The following UBQLN2 variants were observed in gnomAD, a reference collection of about 807,000 sequenced individuals.
The protein encoded by UBQLN2 is ubiquilin-2.
A neutral mutation model predicts 22.2 loss-of-function variants in UBQLN2; 2 were observed. That is an observed-to-expected ratio of 0.09 (90% CI 0.04 to 0.28). UBQLN2 has a LOEUF of 0.28. UBQLN2 is among the 10% of genes least tolerant of loss of function. The probability of loss-of-function intolerance (pLI) is 1.00; values close to 1 mark genes in which losing one functional copy is unlikely to be tolerated. For missense variants in UBQLN2, 446 were observed against 505.1 expected, an observed-to-expected ratio of 0.88 and a Z score of 1.12; for synonymous variants, 252 against 206.7, an observed-to-expected ratio of 1.22 and a Z score of -1.88.
chrX:56,563,652 G>C lies in UBQLN2; in HGVS notation c.-222G>C, dbSNP rs1255611081. The C allele has an allele frequency of 2.9e-6, 1 of 341,860 alleles. No homozygotes were observed. Among genetic ancestry groups the C allele is most frequent in the African/African-American group, 2.7e-5 (1 of 37,048 alleles). The allele number at this position is 341,860 out of a possible 1,213,427, so 28.2% of individuals were successfully genotyped here. A position where few individuals can be genotyped will look rare whatever the true frequency, so the allele number is the denominator to read the frequency against. ...ACAAGGCGGCGGCGGAGGAGGCCCA[G>C]AGACCGGAGCGCGGAGACCTCAGCC... On this transcript the variant is annotated 5_prime_UTR_variant, in exon 1 of 1. Transcript: ENST00000338222.
rs891750087 is a variant in UBQLN2 at position 56,567,110 on chromosome X, C to G, written c.*1362C>G. 8.2e-6 allele frequency: 1 copy of G among 122,578 alleles called. No homozygotes were observed. Among genetic ancestry groups the G allele is most frequent in the Non-Finnish European group, 1.9e-5 (1 of 53,018 alleles). 10.1% of individuals were successfully genotyped at this position (122,578 alleles called of 1,213,427 possible). ...ATCTTGATGTATGGATTTAGGTATT[C>G]TAACTTTTTTGCCCCAAAGGGTTAG... On this transcript the variant is annotated 3_prime_UTR_variant, in exon 1 of 1. Transcript: ENST00000338222.
In UBQLN2 at chrX:56,563,796, C is replaced by T. The variant is rs778397928; in HGVS notation, c.-78C>T. The T allele has an allele frequency of 1.6e-5, 13 of 828,347 alleles. No homozygotes were observed. In the Admixed American group the frequency reaches 3.2e-4, roughly 20 times the overall value. 68.3% of individuals were successfully genotyped at this position (828,347 alleles called of 1,213,427 possible). A position where few individuals can be genotyped will look rare whatever the true frequency, so the allele number is the denominator to read the frequency against. ...GGCCCAGCCCGCTGCGGCGGTGCCT[C>T]CTTCCTTCCTCCTTCCCTCGCGCTC... On this transcript the variant is annotated 5_prime_UTR_variant, in exon 1 of 1. Transcript: ENST00000338222.
rs748198407 is a variant in UBQLN2, at chrX:56,565,755, T to G, written c.*7T>G. 8.4e-7 allele frequency: 1 copy of G among 1,194,928 alleles called. No individual in the cohort carries two copies. The highest frequency in any genetic ancestry group is 1.1e-6 in the Non-Finnish European group (1 of 884,048). ...GGGCTCCCAGCCATCGTAATCACAT[T>G]TCTGTACCTGGAAAAAAAATGTATC... is the stretch of plus-strand genomic sequence containing the variant. On this transcript the variant is annotated 3_prime_UTR_variant, in exon 1 of 1. Coordinates refer to ENST00000338222, the MANE Select transcript of UBQLN2 (RefSeq NM_013444.4).
rs748840115 is a variant in UBQLN2 at position 56,564,933 on chromosome X, G to C, written c.1060G>C (p.Val354Leu). 3 of 1,209,212 alleles carry C rather than the reference G, an allele frequency of 2.5e-6. No individual in the cohort carries two copies. The highest frequency in any genetic ancestry group is 1.8e-5 in the African/African-American group (1 of 57,015). Reference sequence around the variant, plus strand: ...TTCCAGCAATGCTACTGGGAACACCGTTGCTGCCGCTAATTATGTCGCCAG... The same window carrying C: ...TTCCAGCAATGCTACTGGGAACACCCTTGCTGCCGCTAATTATGTCGCCAG... ...NSSSNATGNT[V>L]AAANYVASIF... is the part of the protein sequence containing the mutation. The change falls in exon 1 of 1, where the codon GTT becomes CTT. Residue 354 changes from valine (V) to leucine (L), a missense_variant. This residue lies in a region of UBQLN2 where 278 missense variants were observed against 279.4 expected (regional missense o/e 1.00). Transcript: ENST00000338222.
chrX:56,565,580 A>G lies in UBQLN2; in HGVS notation c.1707A>G (p.Gly569=), dbSNP rs2068638287. The G allele has an allele frequency of 8.3e-7, 1 of 1,212,104 alleles. No individual in the cohort carries two copies. The highest frequency in any genetic ancestry group is 1.7e-5 in the African/African-American group (1 of 57,871). ...FIQQMVQALA[G]ANAPQLPNPE... ...AGCAAATGGTGCAGGCCCTGGCTGGAGCAAATGCTCCACAGCTGCCGAATC... is the reference window on the plus strand; with the variant it reads ...AGCAAATGGTGCAGGCCCTGGCTGGGGCAAATGCTCCACAGCTGCCGAATC... Residue 569 remains glycine (G), a synonymous_variant, in exon 1 of 1, where the codon GGA becomes GGG. Coordinates refer to ENST00000338222, the MANE Select transcript of UBQLN2 (RefSeq NM_013444.4).
chrX:56,564,832 G>T lies in UBQLN2; in HGVS notation c.959G>T (p.Trp320Leu). Residue 320 changes from tryptophan (W) to leucine (L), a missense_variant, in exon 1 of 1, where the codon TGG (tryptophan) becomes TTG (leucine). By Grantham distance (61) the Trp-to-Leu change is moderately conservative (BLOSUM62 -2). Coordinates refer to ENST00000338222, the MANE Select transcript of UBQLN2 (RefSeq NM_013444.4). ...TENRDPLPNP[W>L]APPPATQSSA... Reference sequence around the variant, plus strand: ...AATCGCGATCCACTACCCAATCCATGGGCACCACCGCCAGCTACCCAGAGT... The same window carrying T: ...AATCGCGATCCACTACCCAATCCATTGGCACCACCGCCAGCTACCCAGAGT... The T allele has an allele frequency of 8.3e-7, 1 of 1,211,133 alleles. No individual in the cohort carries two copies. Among genetic ancestry groups the T allele is most frequent in the Non-Finnish European group, 1.1e-6 (1 of 895,316 alleles).
chrX:56,563,709 A>T lies in UBQLN2; in HGVS notation c.-165A>T, dbSNP rs1239266283. On this transcript the variant is annotated 5_prime_UTR_variant, in exon 1 of 1. Coordinates refer to ENST00000338222, the MANE Select transcript of UBQLN2 (RefSeq NM_013444.4). ...CTACGCCCAGGCCTTTCTCCACCGG[A>T]GGACCAGGGAACCGCAGTCTTCATC... The T allele has an allele frequency of 5.0e-6, 2 of 399,874 alleles. No individual in the cohort carries two copies. Among genetic ancestry groups the T allele is most frequent in the Non-Finnish European group, 8.4e-6 (2 of 237,779 alleles). The allele number at this position is 399,874 out of a possible 1,213,427, so 33.0% of individuals were successfully genotyped here. A position where few individuals can be genotyped will look rare whatever the true frequency, so the allele number is the denominator to read the frequency against.
chrX:56,566,861 T>C lies in UBQLN2; in HGVS notation c.*1113T>C, dbSNP rs981413802. ...ACTGCTATGTATAAAGGAAAGTGTG[T>C]CTTTTGACTTCATCAGTTATTTCTC... On this transcript the variant is annotated 3_prime_UTR_variant, in exon 1 of 1. Coordinates refer to ENST00000338222, the MANE Select transcript of UBQLN2 (RefSeq NM_013444.4). 2 of 123,036 alleles carry C rather than the reference T, an allele frequency of 1.6e-5. No homozygotes were observed. Among genetic ancestry groups the C allele is most frequent in the African/African-American group, 6.5e-5 (2 of 30,793 alleles). 10.1% of individuals were successfully genotyped at this position (123,036 alleles called of 1,213,427 possible).
In UBQLN2 at chrX:56,565,985, T is replaced by G; in HGVS notation, c.*237T>G. The stretch of plus-strand genomic sequence containing the variant: ...TCCTCTTGTCTCCCCACTCCCTCCC[T>G]CTTTGTTTCCTTCCTTCCTTATTTC... On this transcript the variant is annotated 3_prime_UTR_variant, in exon 1 of 1. Coordinates refer to ENST00000338222, the MANE Select transcript of UBQLN2 (RefSeq NM_013444.4). 1 of 439,046 alleles carries G rather than the reference T, an allele frequency of 2.3e-6. No homozygotes were observed. The highest frequency in any genetic ancestry group is 3.9e-5 in the East Asian group (1 of 25,890). The allele number at this position is 439,046 out of a possible 1,213,427, so 36.2% of individuals were successfully genotyped here. A position where few individuals can be genotyped will look rare whatever the true frequency, so the allele number is the denominator to read the frequency against.
rs2068629124 is a variant in UBQLN2, at chrX:56,564,042, T to C, written c.169T>C (p.Phe57Leu). 1 of 1,194,136 alleles carries C rather than the reference T, an allele frequency of 8.4e-7. No homozygotes were observed. The highest frequency in any genetic ancestry group is 1.8e-5 in the South Asian group (1 of 54,742). ...GCCCGAGAACAGCTCGGTTCAGCAG[T>C]TTAAGGAAGCGATTTCGAAACGCTT... ...AVPENSSVQQ[F>L]KEAISKRFKS... Residue 57 changes from phenylalanine (F) to leucine (L), a missense_variant, in exon 1 of 1, where the codon TTT becomes CTT. Physicochemically the swap from Phe to Leu is conservative, Grantham distance 22 (BLOSUM62 0). Transcript: ENST00000338222.
chrX:56,564,509 G>A lies in UBQLN2; in HGVS notation c.636G>A (p.Gln212=), dbSNP rs894072583. 9 of 1,210,007 alleles carry A rather than the reference G, an allele frequency of 7.4e-6. No homozygotes were observed. The highest frequency in any genetic ancestry group is 2.2e-5 in the Admixed American group (1 of 45,834). Residue 212 remains glutamine (Q), a synonymous_variant, in exon 1 of 1, where the codon CAG becomes CAA. Transcript: ENST00000338222. The part of the protein sequence containing the change: ...RQLIMANPQM[Q]QLIQRNPEIS... ...TCATTATGGCTAATCCACAGATGCA[G>A]CAATTGATTCAGAGAAACCCAGAAA...
At position 56,563,805 on chromosome X, in the gene UBQLN2, C is replaced by T. The variant is rs1036305834; in HGVS notation, c.-69C>T. ...CGCTGCGGCGGTGCCTCCTTCCTTC[C>T]TCCTTCCCTCGCGCTCTCTCTTTCG... is the stretch of plus-strand genomic sequence containing the variant. On this transcript the variant is annotated 5_prime_UTR_variant, in exon 1 of 1. Transcript: ENST00000338222. 25 of 894,416 alleles carry T rather than the reference C, an allele frequency of 2.8e-5. No individual in the cohort carries two copies. The highest frequency in any genetic ancestry group is 3.7e-5 in the Non-Finnish European group (24 of 646,012). 73.7% of individuals were successfully genotyped at this position (894,416 alleles called of 1,213,427 possible). A position where few individuals can be genotyped will look rare whatever the true frequency, so the allele number is the denominator to read the frequency against.
chrX:56,563,630 A>G lies in UBQLN2; in HGVS notation c.-244A>G. The G allele has an allele frequency of 6.0e-6, 2 of 334,493 alleles. No individual in the cohort carries two copies. Among genetic ancestry groups the G allele is most frequent in the Non-Finnish European group, 1.0e-5 (2 of 194,939 alleles). The allele number at this position is 334,493 out of a possible 1,213,427, so 27.6% of individuals were successfully genotyped here. ...TGGGAGTGCGCGCGGTCGGATCACA[A>G]GGCGGCGGCGGAGGAGGCCCAGAGA... On this transcript the variant is annotated 5_prime_UTR_variant, in exon 1 of 1. Transcript: ENST00000338222.
At position 56,565,716 on chromosome X, in the gene UBQLN2, A is replaced by G; in HGVS notation, c.1843A>G (p.Ile615Val). ...AACAGGAGGCGACATCAATGCAGCC[A>G]TTGAAAGGCTGCTGGGCTCCCAGCC... is the stretch of plus-strand genomic sequence containing the variant. The part of the protein sequence containing the change: ...IATGGDINAA[I>V]ERLLGSQPS Residue 615 changes from isoleucine (I) to valine (V), a missense_variant, in exon 1 of 1, where the codon ATT (isoleucine) becomes GTT (valine). By Grantham distance (29) the Ile-to-Val change is conservative. Coordinates refer to ENST00000338222, the MANE Select transcript of UBQLN2 (RefSeq NM_013444.4). The G allele has an allele frequency of 8.3e-7, 1 of 1,210,946 alleles. No homozygotes were observed. Among genetic ancestry groups the G allele is most frequent in the Non-Finnish European group, 1.1e-6 (1 of 894,737 alleles).
Position 56,564,578 on chromosome X carries a change from C to G in UBQLN2, c.705C>G (p.Leu235=), listed in dbSNP as rs2068631607. 8.3e-7 allele frequency: 1 copy of G among 1,211,523 alleles called. No individual in the cohort carries two copies. Among genetic ancestry groups the G allele is most frequent in the Non-Finnish European group, 1.1e-6 (1 of 895,443 alleles). The change falls in exon 1 of 1, where the codon CTC becomes CTG. Residue 235 remains leucine, a synonymous_variant. Transcript: ENST00000338222. The stretch of plus-strand genomic sequence containing the variant: ...ACCCAGACATAATGAGGCAGACACT[C>G]GAAATTGCCAGGAATCCAGCCATGA... ...LNNPDIMRQT[L]EIARNPAMMQ...
Position 56,565,355 on chromosome X carries a change from A to T in UBQLN2, c.1482A>T (p.Pro494=), listed in dbSNP as rs1405699550. ...VLGTAIGPVG[P]VTPIGPIGPI... is the part of the protein sequence containing the mutation. Reference sequence around the variant, plus strand: ...GAACCGCTATAGGCCCTGTAGGCCCAGTCACCCCCATAGGCCCCATAGGCC... The same window carrying T: ...GAACCGCTATAGGCCCTGTAGGCCCTGTCACCCCCATAGGCCCCATAGGCC... Residue 494 remains proline, a synonymous_variant, in exon 1 of 1, where the codon CCA becomes CCT. Coordinates refer to ENST00000338222, the MANE Select transcript of UBQLN2 (RefSeq NM_013444.4). 8.3e-7 allele frequency: 1 copy of T among 1,207,042 alleles called. No individual in the cohort carries two copies. The highest frequency in any genetic ancestry group is 1.1e-6 in the Non-Finnish European group (1 of 892,881).
In UBQLN2 at chrX:56,566,713, G is replaced by C. The variant is rs1407273823; in HGVS notation, c.*965G>C. On this transcript the variant is annotated 3_prime_UTR_variant, in exon 1 of 1. Coordinates refer to ENST00000338222, the MANE Select transcript of UBQLN2 (RefSeq NM_013444.4). Reference sequence around the variant, plus strand: ...GGATCAGTGTAGTAATGCCAGGAAAGTGCTTTTTACCTAAGACTTCCTTCT... The same window carrying C: ...GGATCAGTGTAGTAATGCCAGGAAACTGCTTTTTACCTAAGACTTCCTTCT... 1 of 123,016 alleles carries C rather than the reference G, an allele frequency of 8.1e-6. No individual in the cohort carries two copies. The highest frequency in any genetic ancestry group is 1.9e-5 in the Non-Finnish European group (1 of 53,160). The allele number at this position is 123,016 out of a possible 1,213,427, so 10.1% of individuals were successfully genotyped here. A position where few individuals can be genotyped will look rare whatever the true frequency, so the allele number is the denominator to read the frequency against.
Position 56,565,905 on chromosome X carries a change from T to A in UBQLN2, c.*157T>A, listed in dbSNP as rs760349190. The A allele has an allele frequency of 9.1e-6, 5 of 550,935 alleles. No individual in the cohort carries two copies. Among genetic ancestry groups the A allele is most frequent in the African/African-American group, 2.3e-5 (1 of 42,993 alleles). The allele number at this position is 550,935 out of a possible 1,213,427, so 45.4% of individuals were successfully genotyped here. A position where few individuals can be genotyped will look rare whatever the true frequency, so the allele number is the denominator to read the frequency against. Reference sequence around the variant, plus strand: ...ATGATGCATTTTAAGATGGAGTCCCTCCCTCCTACTTCCCTCACTCCCTTT... The same window carrying A: ...ATGATGCATTTTAAGATGGAGTCCCACCCTCCTACTTCCCTCACTCCCTTT... On this transcript the variant is annotated 3_prime_UTR_variant, in exon 1 of 1. Coordinates refer to ENST00000338222, the MANE Select transcript of UBQLN2 (RefSeq NM_013444.4).
chrX:56,567,163 C>T lies in UBQLN2; in HGVS notation c.*1415C>T. The T allele has an allele frequency of 8.0e-6, 1 of 124,707 alleles. No homozygotes were observed. 10.3% of individuals were successfully genotyped at this position (124,707 alleles called of 1,213,427 possible). ...AGTTGTTAACATATTTACCTTTTCC[C>T]CCAACATATGAAATGTCATACATGT... On this transcript the variant is annotated 3_prime_UTR_variant, in exon 1 of 1. Transcript: ENST00000338222.
Sources: allele counts gnomAD v4.1 joint callset, GRCh38; gene constraint gnomAD v4.1.1; regional missense constraint gnomAD v4.1.1; transcripts MANE v1.5; gene names NCBI Gene and HGNC (gene_info 2026-07-23, HGNC 2026-07-21).